Variants in DUOX1 observed in about 807,000 individuals in gnomAD.
DUOX1 encodes the protein NADPH thyroid oxidase 1.
In DUOX1, 134 loss-of-function variants were observed where a neutral mutation model predicts 181.8. That is an observed-to-expected ratio of 0.74 (90% CI 0.64 to 0.85). The LOEUF (loss-of-function observed/expected upper bound fraction) is 0.85, where lower values mean the gene tolerates loss of function less well. Among genes scored for constraint, DUOX1 ranks in the 40% least tolerant of loss-of-function variants. The pLI is 0.00. For missense variants in DUOX1, 1,814 were observed against 2,064.4 expected (o/e 0.88, Z 2.35); for synonymous variants, 798 against 832.5 (o/e 0.96, Z 0.71).
At chr15:45,158,137 A>G (rs1013732633) in intron 28 of DUOX1, among the ~76,000 whole-genome samples, 1 of 152,208 alleles carries the variant, frequency 6.6e-6, no homozygotes, top group Non-Finnish European at 1.5e-5. Context: ...AATCTGCAGC[A>G]GCCTTGTGGT....
At chr15:45,132,103 C>A in intron 2 of DUOX1, 79 bp downstream of exon 2, 1 of 1,268,634 alleles carries the variant, frequency 7.9e-7, no homozygotes, top group Non-Finnish European at 1.1e-6. Flanking sequence ...GGACAGGATC[C>A]ATTTGATATT....
At chr15:45,147,713 T>TG (rs35265998) in intron 19 of DUOX1, 55 bp downstream of exon 19, 3 of 1,605,096 alleles carry the variant, frequency 1.9e-6, no homozygotes, top group Non-Finnish European at 2.6e-6. Context: ...CTGTTGGAGA[T>TG]GGGGAAGCCC....
chr15:45,155,635 G>T, intron 27 of DUOX1, 167 bp from the exon 28 acceptor site: 19 of 782,104 alleles, frequency 2.4e-5, no homozygotes, highest in African/African-American at 3.5e-5. Context: ...CTGCTGAAAT[G>T]AAAGGTACCT....
rs889562587 is a variant in DUOX1, at chr15:45,154,010, C to T, written c.3574+10C>T. The T allele has an allele frequency of 1.2e-6, 2 of 1,613,274 alleles. No homozygotes were observed. Among genetic ancestry groups the T allele is most frequent in the East Asian group, 2.2e-5 (1 of 44,882 alleles). On this transcript the variant is annotated intron_variant, in intron 27 of 33. Transcript: ENST00000389037. ...TTCCAGACCGTACCAGGTGAGAACCCTCCTTGATCCATGAATTTCTGGACC... is the reference window on the plus strand; with the variant it reads ...TTCCAGACCGTACCAGGTGAGAACCTTCCTTGATCCATGAATTTCTGGACC...
At chr15:45,153,930 T>A in intron 26 of DUOX1, 21 bp from the exon 27 acceptor site, 1 of 1,608,296 alleles carries the variant, frequency 6.2e-7, no homozygotes, top group Non-Finnish European at 8.5e-7. Flanking sequence ...AAGGTGTCTC[T>A]TTGCTGTCCC....
chr15:45,136,677 T>G (rs188427152), intron 9 of DUOX1, 52 bp downstream of exon 9: 53 of 1,584,546 alleles, frequency 3.3e-5, no homozygotes, highest in Non-Finnish European at 4.5e-5. Context: ...GGCTGTCAAC[T>G]GAGGAAAATC....
intron 10 of DUOX1, 87 bp downstream of exon 10, chr15:45,138,101 T>TGTGTGTGA: frequency 1.9e-6 from 2 of 1,053,260 alleles, no homozygotes; most frequent in Non-Finnish European, 2.6e-6. Context: ...TGTGTGTGTG[T>TGTGTGTGA]GTGTGAGTGC....
At position 45,136,330 on chromosome 15, in the gene DUOX1, CG is replaced by C. The variant is rs1231476744; in HGVS notation, c.865-19del. On this transcript the variant is annotated intron_variant, in intron 7 of 33. Coordinates refer to ENST00000389037, the MANE Select transcript of DUOX1 (RefSeq NM_175940.3). ...TCCCCATCCAACTCGTGCCTCCCCTCGCCCCTCTCTGCCCCTCAGAACATCG... is the reference window on the plus strand; with the variant it reads ...TCCCCATCCAACTCGTGCCTCCCCTCCCCCTCTCTGCCCCTCAGAACATCG... The C allele has an allele frequency of 1.9e-6, 3 of 1,612,812 alleles. No individual in the cohort carries two copies. Among genetic ancestry groups the C allele is most frequent in the African/African-American group, 1.3e-5 (1 of 74,868 alleles).
At chr15:45,147,358 CT>C in intron 18 of DUOX1, 74 bp from the exon 19 acceptor site, 1 of 1,548,468 alleles carries the variant, frequency 6.5e-7, no homozygotes, top group South Asian at 1.2e-5. Flanking sequence ...AAGGTGGCTC[CT>C]ACAGGGCTCA....
At position 45,153,937 on chromosome 15, in the gene DUOX1, T is replaced by C; in HGVS notation, c.3525-14T>C. 1 of 1,610,260 alleles carries C rather than the reference T, an allele frequency of 6.2e-7. No homozygotes were observed. ...CTCCTCTCAAGGTGTCTCTTTGCTGTCCCTTCCACACAGGTCTGAGCTCCC... is the reference window on the plus strand; with the variant it reads ...CTCCTCTCAAGGTGTCTCTTTGCTGCCCCTTCCACACAGGTCTGAGCTCCC... On this transcript the variant is annotated splice_polypyrimidine_tract_variant and intron_variant, in intron 26 of 33. Transcript: ENST00000389037.
At position 45,135,495 on chromosome 15, in the gene DUOX1, C is replaced by T. The variant is rs1433313733; in HGVS notation, c.517C>T (p.Leu173=). ...GCAGGCCAACCAGGTGACGGGCTGG[C>T]TGGACGGCAGCGCCATCTATGGTTC... The part of the protein sequence containing the change: ...RDPANQVTGW[L]DGSAIYGSSH... The change falls in exon 6 of 34, where the codon CTG becomes TTG. Residue 173 remains leucine, a synonymous_variant. Coordinates refer to ENST00000389037, the MANE Select transcript of DUOX1 (RefSeq NM_175940.3). 2 of 1,556,082 alleles carry T rather than the reference C, an allele frequency of 1.3e-6. No individual in the cohort carries two copies. Among genetic ancestry groups the T allele is most frequent in the Middle Eastern group, 2.2e-4 (1 of 4,540 alleles).
At position 45,138,064 on chromosome 15, in the gene DUOX1, A is replaced by ATGTGTGTGTGTG. The variant is rs762476013; in HGVS notation, c.1113+52_1113+63dup. 2.2e-5 allele frequency: 23 copies of ATGTGTGTGTGTG among 1,027,710 alleles called. 1 individual carries two copies. Among genetic ancestry groups the ATGTGTGTGTGTG allele is most frequent in the South Asian group, 2.0e-4 (12 of 61,500 alleles). 63.7% of individuals were successfully genotyped at this position (1,027,710 alleles called of 1,614,324 possible). ...GGTGGATGTGTGTGTGTGCATGCTT[A>ATGTGTGTGTGTG]TGTGTGTGTGTGTATGTGTGTGTGT... On this transcript the variant is annotated intron_variant, in intron 10 of 33. Transcript: ENST00000389037.
At chr15:45,148,839 A>C (rs939168866) in intron 21 of DUOX1, among the ~76,000 whole-genome samples, 1 of 151,512 alleles carries the variant, frequency 6.6e-6, no homozygotes, top group Non-Finnish European at 1.5e-5. Context: ...GCAGGGGGAG[A>C]CTGTCTCCCT....
chr15:45,147,307 T>C, intron 18 of DUOX1, 126 bp from the exon 19 acceptor site: 1 of 1,267,834 alleles, frequency 7.9e-7, no homozygotes, highest in Non-Finnish European at 1.1e-6. Flanking sequence ...GGCACCACCA[T>C]AAGGCCTCCT....
In DUOX1 at chr15:45,144,249, G is replaced by C. The variant is rs1312723395; in HGVS notation, c.2136+14G>C. 1 of 1,613,528 alleles carries C rather than the reference G, an allele frequency of 6.2e-7. No individual in the cohort carries two copies. Among genetic ancestry groups the C allele is most frequent in the Non-Finnish European group, 8.5e-7 (1 of 1,179,992 alleles). On this transcript the variant is annotated intron_variant, in intron 17 of 33. Coordinates refer to ENST00000389037, the MANE Select transcript of DUOX1 (RefSeq NM_175940.3). ...GAGTATGACCTGGTATGGCTCAGCT[G>C]GCATCTGGCTCCTTGTCCACAGCCA...
At chr15:45,156,697 C>T (rs1348810672) in intron 28 of DUOX1, among the ~76,000 whole-genome samples, 5 of 152,206 alleles carry the variant, frequency 3.3e-5, no homozygotes, top group African/African-American at 1.2e-4. Flanking sequence ...TCCCAAAGTG[C>T]TGGGATTACA....
In DUOX1 at chr15:45,143,256, A is replaced by G. The variant is rs763254254; in HGVS notation, c.1889A>G (p.Gln630Arg). The G allele has an allele frequency of 2.8e-5, 46 of 1,614,046 alleles. 1 individual carries two copies. The South Asian group carries it at 4.8e-4, about 17-fold the overall frequency. ...AGAAATTTCAAGAGGCTCCAGGGCC[A>G]GGACCGCCAGAGCATCGTGTCTGAG... The part of the protein sequence containing the change: ...RMRNFKRLQG[Q>R]DRQSIVSEKL... The change falls in exon 16 of 34, where the codon CAG becomes CGG. Residue 630 changes from glutamine to arginine, a missense_variant. Transcript: ENST00000389037.
intron 22 of DUOX1, among the ~76,000 whole-genome samples, chr15:45,150,918 T>TA (rs1896784614): frequency 6.6e-6 from 1 of 152,170 alleles, no homozygotes. Context: ...CAGATGCCCT[T>TA]GTGAAGGGTA....
At chr15:45,150,012 A>G (rs574761344) in intron 21 of DUOX1, among the ~76,000 whole-genome samples, 4 of 152,352 alleles carry the variant, frequency 2.6e-5, no homozygotes, top group African/African-American at 9.6e-5. Flanking sequence ...GACCTCAACT[A>G]TAGACCAGGG....
Sources: allele counts gnomAD v4.1 joint callset (sites outside exome capture counted in the v4.1 genomes callset), GRCh38; gene constraint gnomAD v4.1.1; transcripts MANE v1.5; gene names NCBI Gene and HGNC (gene_info 2026-07-23, HGNC 2026-07-21).